Variants in PCM1 observed in about 807,000 individuals in gnomAD.
PCM1 encodes the protein pericentriolar material 1.
In PCM1, 157 loss-of-function variants were observed where a neutral mutation model predicts 241.9. That is an observed-to-expected ratio of 0.65 (90% confidence interval 0.57 to 0.74). The LOEUF (loss-of-function observed/expected upper bound fraction) is 0.74. Among genes scored for constraint, PCM1 ranks in the 30% least tolerant of loss-of-function variants. The probability of loss-of-function intolerance (pLI) is 0.00; values close to 1 mark genes in which losing one functional copy is unlikely to be tolerated. For missense variants in PCM1, 3,478 were observed against 2,360.1 expected (o/e 1.47, Z -9.81); for synonymous variants, 1,085 against 784.9 (o/e 1.38, Z -6.39).
intron 36 of PCM1, among the ~76,000 whole-genome samples, chr8:18,020,555 A>G (rs1404046602): frequency 1.3e-5 from 2 of 152,188 alleles, no homozygotes; most frequent in African/African-American, 2.4e-5. Context: ...TATCATAACT[A>G]TTGACTCCTC....
chr8:17,961,304 CTTTTTTT>C (rs35468848), intron 15 of PCM1, among the ~76,000 whole-genome samples: 7 of 79,140 alleles, frequency 8.8e-5, no homozygotes, highest in African/African-American at 3.7e-4. Context: ...TATTGGCTAG[CTTTTTTT>C]TTTTTTTTTT....
chr8:18,027,975 A>ATCTT lies in PCM1; in HGVS notation c.*315_*318dup, dbSNP rs2094347150. 3.5e-6 allele frequency: 1 copy of ATCTT among 286,448 alleles called. No individual in the cohort carries two copies. 17.7% of individuals were successfully genotyped at this position (286,448 alleles called of 1,614,324 possible). A position where few individuals can be genotyped will look rare whatever the true frequency, so the allele number is the denominator to read the frequency against. On this transcript the variant is annotated 3_prime_UTR_variant, in exon 39 of 39. Coordinates refer to ENST00000325083, the MANE Select transcript of PCM1 (RefSeq NM_006197.4). ...TAAAGTTTGGACTTATCTATAAAGT[A>ATCTT]TCTTTTTTGGAAATTATATTGAATT...
chr8:18,027,245 C>A (rs957977644), intron 38 of PCM1, among the ~76,000 whole-genome samples: 6 of 150,206 alleles, frequency 4.0e-5, no homozygotes, highest in African/African-American at 1.5e-4. Flanking sequence ...CAGCCTCTTG[C>A]AAGTGTTTGA....
rs2073309353 is a variant in PCM1 at position 17,963,196 on chromosome 8, G to T, written c.2559G>T (p.Arg853Ser). ...LEALMAEHQR[R>S]QGLAETASPV... is the part of the protein sequence containing the mutation. ...CTCTGATGGCTGAACATCAGAGGAG[G>T]CAAGGTCTAGCTGAAACTGCATCTC... Residue 853 changes from arginine (R) to serine (S), a missense_variant, in exon 17 of 39, where the codon AGG (arginine) becomes AGT (serine). Coordinates refer to ENST00000325083, the MANE Select transcript of PCM1 (RefSeq NM_006197.4). The T allele has an allele frequency of 5.0e-6, 8 of 1,613,616 alleles. No individual in the cohort carries two copies. Among genetic ancestry groups the T allele is most frequent in the Non-Finnish European group, 6.8e-6 (8 of 1,179,628 alleles).
Position 17,965,812 on chromosome 8 carries a change from G to A in PCM1, c.2856-187G>A, listed in dbSNP as rs144325983. On this transcript the variant is annotated intron_variant, in intron 18 of 38. Coordinates refer to ENST00000325083, the MANE Select transcript of PCM1 (RefSeq NM_006197.4). ...TACATGAAAAAGACTGGAGACTAAT[G>A]AAAACTAATAATTGTACAAAGCTAA... is the stretch of plus-strand genomic sequence containing the variant. Among the ~76,000 whole-genome samples the A allele has an allele frequency of 4.2e-3, 643 of 152,306 alleles. 2 individuals are homozygous for A. The highest frequency in any genetic ancestry group is 0.013 in the African/African-American group (541 of 41,574).
At chr8:18,026,450 C>G (rs571470570) in intron 38 of PCM1, among the ~76,000 whole-genome samples, 1 of 150,904 alleles carries the variant, frequency 6.6e-6, no homozygotes, top group African/African-American at 2.4e-5. Context: ...TAAGTAGAGA[C>G]GGGGTTTCAC....
intron 35 of PCM1, 81 bp downstream of exon 35, chr8:18,014,117 A>ACC: frequency 2.6e-6 from 2 of 783,216 alleles, no homozygotes; most frequent in Non-Finnish European, 4.1e-6. Flanking sequence ...AAAAACACAC[A>ACC]CAGAAAACAC....
Position 18,029,182 on chromosome 8 carries a change from A to T in PCM1, c.*1520A>T, listed in dbSNP as rs1023000397. ...AAAAAAAAAAAAAAAAAAAAAAAAA[A>T]GTTAACTTGCTGTATACCTCAGTGT... On this transcript the variant is annotated 3_prime_UTR_variant, in exon 39 of 39. Coordinates refer to ENST00000325083, the MANE Select transcript of PCM1 (RefSeq NM_006197.4). 1 of 186,344 alleles carries T rather than the reference A, an allele frequency of 5.4e-6. No homozygotes were observed. The highest frequency in any genetic ancestry group is 1.1e-5 in the Non-Finnish European group (1 of 88,806). The allele number at this position is 186,344 out of a possible 1,614,324, so 11.5% of individuals were successfully genotyped here.
At chr8:18,009,850 T>G (rs1317329954) in intron 31 of PCM1, 106 bp downstream of exon 31, 2 of 654,122 alleles carry the variant, frequency 3.1e-6, no homozygotes, top group African/African-American at 3.7e-5. Context: ...AGTAGTTGTT[T>G]TTAGTAATAC....
At chr8:17,948,798 C>A (rs903121344) in intron 7 of PCM1, among the ~76,000 whole-genome samples, 6 of 152,172 alleles carry the variant, frequency 3.9e-5, no homozygotes, top group Non-Finnish European at 8.8e-5. Context: ...TGGTTAATGA[C>A]TAACCTTTTA....
chr8:18,006,749 CAG>C (rs2091443033), intron 30 of PCM1, among the ~76,000 whole-genome samples: 1 of 152,116 alleles, frequency 6.6e-6, no homozygotes, highest in Non-Finnish European at 1.5e-5. Flanking sequence ...TTTGACTAAT[CAG>C]GGAAATTTTG....
chr8:17,996,980 T>C (rs956403956), intron 29 of PCM1, among the ~76,000 whole-genome samples: 2 of 152,250 alleles, frequency 1.3e-5, no homozygotes, highest in African/African-American at 4.8e-5. Context: ...CTGTGTACTT[T>C]CTATTACTGG....
intron 27 of PCM1, among the ~76,000 whole-genome samples, chr8:17,990,897 GT>G (rs1258649505): frequency 2.0e-5 from 3 of 152,120 alleles, no homozygotes; most frequent in Non-Finnish European, 2.9e-5. Flanking sequence ...TGACCTCTAA[GT>G]AAATGCTTAT....
At chr8:17,985,908 T>C (rs1188500966) in intron 25 of PCM1, 51 bp from the exon 26 acceptor site, 1 of 1,194,802 alleles carries the variant, frequency 8.4e-7, no homozygotes, top group Non-Finnish European at 1.2e-6. Context: ...TATAAATGAA[T>C]GATTAAGCAT....
intron 4 of PCM1, 126 bp from the exon 5 acceptor site, chr8:17,938,614 G>C (rs1264436498): frequency 1.5e-6 from 1 of 653,660 alleles, no homozygotes; most frequent in Non-Finnish European, 2.7e-6. Context: ...TCAGGTCTTA[G>C]TGCAAAGCTC....
At chr8:17,925,239 G>C (rs1350619320) in intron 2 of PCM1, 2 of 151,938 alleles carry the variant, frequency 1.3e-5, no homozygotes, top group Non-Finnish European at 2.9e-5. Flanking sequence ...TTTGTACTTC[G>C]ATCTCCCTTT....
intron 3 of PCM1, among the ~76,000 whole-genome samples, chr8:17,936,509 G>C (rs1034893706): frequency 6.6e-6 from 1 of 152,114 alleles, no homozygotes; most frequent in Non-Finnish European, 1.5e-5. Context: ...AGCACTTTTT[G>C]TAATTCCATA....
chr8:18,016,832 G>A (rs962880642), intron 36 of PCM1, among the ~76,000 whole-genome samples: 1 of 152,180 alleles, frequency 6.6e-6, no homozygotes, highest in Non-Finnish European at 1.5e-5. Context: ...CTAATGCTTT[G>A]CTTAGTTAGA....
chr8:17,930,035 T>C (rs937685093), intron 2 of PCM1, among the ~76,000 whole-genome samples: 15 of 151,912 alleles, frequency 9.9e-5, no homozygotes, highest in African/African-American at 3.6e-4. Flanking sequence ...CTATTGATCC[T>C]GCACAGCAGT....
Sources: allele counts gnomAD v4.1 joint callset (sites outside exome capture counted in the v4.1 genomes callset), GRCh38; gene constraint gnomAD v4.1.1; transcripts MANE v1.5; gene names NCBI Gene and HGNC (gene_info 2026-07-23, HGNC 2026-07-21).